Variants in NELL1 observed in about 807,000 individuals in gnomAD.
The protein encoded by NELL1 is neural EGFL like 1, also known as protein kinase C-binding protein NELL1.
A neutral mutation model predicts 107.4 loss-of-function variants in NELL1; 76 were observed. The ratio of observed to expected loss-of-function variants is 0.71; its 90% CI spans 0.59 to 0.86. The LOEUF (loss-of-function observed/expected upper bound fraction) is 0.86. Among genes scored for constraint, NELL1 ranks in the 40% least tolerant of loss-of-function variants. The pLI, the probability that NELL1 is intolerant of heterozygous loss-of-function variation, is 0.00. For synonymous variants in NELL1, 353 were observed against 341.2 expected (o/e 1.03, Z -0.38); for missense variants, 1,024 against 1,005.5 (o/e 1.02, Z -0.25).
chr11:20,907,231 T>TGAAA (rs1170684446), intron 5 of NELL1, among the ~76,000 whole-genome samples: 1 of 12,812 alleles, frequency 7.8e-5, no homozygotes, highest in African/African-American at 1.6e-4. Context: ...TGACTCCATC[T>TGAAA]CAAAAAAAAA....
chr11:21,012,809 T>C, intron 12 of NELL1, among the ~76,000 whole-genome samples: 1 of 151,884 alleles, frequency 6.6e-6, no homozygotes, highest in Non-Finnish European at 1.5e-5. Flanking sequence ...CATTTACGAG[T>C]CTGAATGATG....
intron 14 of NELL1, among the ~76,000 whole-genome samples, chr11:21,247,039 C>A (rs976117635): frequency 6.6e-6 from 1 of 152,110 alleles, no homozygotes; most frequent in East Asian, 1.9e-4. Flanking sequence ...ATATCAATAT[C>A]TAAACACAGT....
intron 14 of NELL1, among the ~76,000 whole-genome samples, chr11:21,265,007 T>A (rs993993364): frequency 6.6e-6 from 1 of 151,926 alleles, no homozygotes; most frequent in African/African-American, 2.4e-5. Context: ...CCTTAGGTAA[T>A]AGAAAAGTAT....
chr11:20,707,057 G>T (rs1254413940), intron 2 of NELL1, among the ~76,000 whole-genome samples: 2 of 152,110 alleles, frequency 1.3e-5, no homozygotes, highest in Non-Finnish European at 2.9e-5. Context: ...TGGAGGCTTT[G>T]TTCATTTTAC....
At chr11:21,001,718 G>C (rs985365415) in intron 12 of NELL1, among the ~76,000 whole-genome samples, 1 of 150,510 alleles carries the variant, frequency 6.6e-6, no homozygotes, top group African/African-American at 2.4e-5. Flanking sequence ...ACAAAGTCTT[G>C]GGCAATCAAC....
chr11:20,706,658 C>G (rs944395617), intron 2 of NELL1, among the ~76,000 whole-genome samples: 3 of 151,668 alleles, frequency 2.0e-5, no homozygotes, highest in African/African-American at 7.3e-5. Flanking sequence ...TACCCTAAAA[C>G]TTATAATAAT....
At chr11:20,852,338 G>T (rs1848809549) in intron 4 of NELL1, among the ~76,000 whole-genome samples, 1 of 152,136 alleles carries the variant, frequency 6.6e-6, no homozygotes, top group Non-Finnish European at 1.5e-5. Context: ...GCATACAACT[G>T]ATCTTGAAAA....
intron 14 of NELL1, among the ~76,000 whole-genome samples, chr11:21,263,547 T>C (rs2297): frequency 0.9 from 137,127 of 152,022 alleles, 62,014 homozygotes; most frequent in Non-Finnish European, 0.93. Flanking sequence ...CATTCAGTTG[T>C]GTGTGGTGTT....
At position 21,296,424 on chromosome 11, in the gene NELL1, A is replaced by ACG. The variant is rs1849378372; in HGVS notation, c.1549+66970_1549+66971insCG. Among the ~76,000 whole-genome samples, 4 of 150,646 alleles carry ACG rather than the reference A, an allele frequency of 2.7e-5. No homozygotes were observed. In the East Asian group the frequency reaches 7.8e-4, roughly 29 times the overall value. ...GATTGTGATGACAATTCTGCATTAT[A>ACG]TGTATATATATATATCTCTAATCAT... On this transcript the variant is annotated intron_variant, in intron 14 of 19. Coordinates refer to ENST00000357134, the MANE Select transcript of NELL1 (RefSeq NM_006157.5).
intron 13 of NELL1, among the ~76,000 whole-genome samples, chr11:21,192,133 T>C (rs2133836981): frequency 6.6e-6 from 1 of 152,058 alleles, no homozygotes; most frequent in Admixed American, 6.5e-5. Context: ...CTTTATTTCA[T>C]ATGGCAGGGA....
intron 12 of NELL1, among the ~76,000 whole-genome samples, chr11:21,101,560 G>A (rs527474014): frequency 5.6e-4 from 85 of 152,106 alleles, no homozygotes; most frequent in African/African-American, 2.0e-3. Context: ...ATCTCATTGT[G>A]GTTTTGATTT....
intron 12 of NELL1, among the ~76,000 whole-genome samples, chr11:21,018,500 T>G (rs1418499364): frequency 6.6e-6 from 1 of 151,990 alleles, no homozygotes; most frequent in Non-Finnish European, 1.5e-5. Context: ...CAGTGTCAGA[T>G]GTTTGGTTTT....
At chr11:21,133,705 G>T (rs1855677357) in intron 13 of NELL1, among the ~76,000 whole-genome samples, 1 of 151,920 alleles carries the variant, frequency 6.6e-6, no homozygotes, top group South Asian at 2.1e-4. Context: ...GAGCAGGGGT[G>T]GTGTGGGGCA....
chr11:21,444,660 C>T (rs1157133277), intron 15 of NELL1, among the ~76,000 whole-genome samples: 1 of 152,060 alleles, frequency 6.6e-6, no homozygotes, highest in African/African-American at 2.4e-5. Flanking sequence ...TTCAGACATA[C>T]AATGTGTGAT....
intron 14 of NELL1, among the ~76,000 whole-genome samples, chr11:21,367,006 T>C (rs1043223515): frequency 4.6e-5 from 7 of 152,000 alleles, no homozygotes; most frequent in African/African-American, 1.7e-4. Flanking sequence ...CACCTTCTCA[T>C]TTTGTTCCCC....
intron 14 of NELL1, among the ~76,000 whole-genome samples, chr11:21,235,870 A>G (rs889884201): frequency 5.9e-5 from 9 of 151,832 alleles, no homozygotes; most frequent in African/African-American, 2.2e-4. Flanking sequence ...AAAACATACA[A>G]TTTTTTTTCT....
chr11:21,555,328 T>C (rs1034000482), intron 16 of NELL1, among the ~76,000 whole-genome samples: 1 of 151,780 alleles, frequency 6.6e-6, no homozygotes, highest in South Asian at 2.1e-4. Flanking sequence ...TAAGCAAGGG[T>C]GATGATTTTG....
chr11:21,380,512 A>G (rs1468333010), intron 15 of NELL1, among the ~76,000 whole-genome samples: 1 of 152,022 alleles, frequency 6.6e-6, no homozygotes, highest in African/African-American at 2.4e-5. Flanking sequence ...TGCCCTGTTC[A>G]GTAACCCCTT....
intron 14 of NELL1, among the ~76,000 whole-genome samples, chr11:21,229,740 GATTGCGGAT>G (rs1248207087): frequency 3.9e-5 from 6 of 152,328 alleles, no homozygotes; most frequent in Non-Finnish European, 5.9e-5. Context: ...GGGAAGCTTG[GATTGCGGAT>G]ATTGGCTTTT....
Sources: gnomAD v4.1 joint callset for allele counts (sites outside exome capture counted in the v4.1 genomes callset) on GRCh38, gnomAD v4.1.1 for gene constraint, MANE v1.5 for transcripts, NCBI Gene and HGNC (gene_info 2026-07-23, HGNC 2026-07-21) for gene names.